Variants in MROH1 observed in about 807,000 individuals in gnomAD.
The protein encoded by MROH1 is maestro heat-like repeat-containing protein family member 1.
In MROH1, 117 loss-of-function variants were observed where a neutral mutation model predicts 116.5. The observed-to-expected ratio is 1.00, with a 90% CI of 0.86 to 1.17. The LOEUF (loss-of-function observed/expected upper bound fraction) is 1.17, where lower values mean the gene tolerates loss of function less well. MROH1 is among the 50% of genes most tolerant of loss of function. The probability of loss-of-function intolerance (pLI) is 0.00; values close to 1 mark genes in which losing one functional copy is unlikely to be tolerated. For missense variants in MROH1, 1,873 were observed against 1,338.5 expected (o/e 1.40, Z -6.23); for synonymous variants, 921 against 583.9 (o/e 1.58, Z -8.32).
Position 144,223,248 on chromosome 8 carries a change from T to G in MROH1, c.1338+18T>G. On this transcript the variant is annotated intron_variant, in intron 14 of 43. Transcript: ENST00000326134. ...AGCAGGAGGTAAGGGGCTGCCACCT[T>G]GCCTGCCTCCTAGGCCCACGCTGCC... is the stretch of plus-strand genomic sequence containing the variant. 6.3e-7 allele frequency: 1 copy of G among 1,584,534 alleles called. No individual in the cohort carries two copies. Among genetic ancestry groups the G allele is most frequent in the African/African-American group, 1.3e-5 (1 of 74,422 alleles).
chr8:144,180,481 GGCGTGGCCAAGCAGGACACGGTGC>G lies in MROH1; in HGVS notation c.529_552del (p.Lys177_Ala184del). On this transcript the variant is annotated inframe_deletion, in exon 7 of 44. Transcript: ENST00000326134. This position sits in a 1 kb window ranked among gnomAD's most constrained non-coding sequence, Gnocchi z 7.4. Reference sequence around the variant, plus strand: ...CCTGAGCTCCCTGCTGCCCGTGCTGGGCGTGGCCAAGCAGGACACGGTGCGCGTGGCCTTCTGCTCCGGTAAGAG... The same window carrying G: ...CCTGAGCTCCCTGCTGCCCGTGCTGGGCGTGGCCTTCTGCTCCGGTAAGAG... The G allele has an allele frequency of 1.2e-6, 2 of 1,612,444 alleles. No individual in the cohort carries two copies. The highest frequency in any genetic ancestry group is 8.5e-7 in the Non-Finnish European group (1 of 1,179,818).
intron 39 of MROH1, 114 bp downstream of exon 39, chr8:144,260,488 C>G: frequency 1.4e-6 from 1 of 698,664 alleles, no homozygotes; most frequent in Non-Finnish European, 2.6e-6. Flanking sequence ...GCTAGGTGAC[C>G]GTGGAGAGCG....
chr8:144,241,352 G>C (rs1234361273), intron 21 of MROH1, 43 bp from the exon 22 acceptor site: 2 of 740,734 alleles, frequency 2.7e-6, no homozygotes, highest in Non-Finnish European at 5.0e-6. Flanking sequence ...ATGTGTGGCA[G>C]TGCGTGCTCT....
chr8:144,167,124 A>G (rs1821023846), intron 3 of MROH1, among the ~76,000 whole-genome samples: 1 of 152,148 alleles, frequency 6.6e-6, no homozygotes. Context: ...GTGCTGCTGG[A>G]GCAAAAGAGA....
At chr8:144,222,178 G>A (rs1564511787) in intron 13 of MROH1, among the ~76,000 whole-genome samples, 1 of 152,204 alleles carries the variant, frequency 6.6e-6, no homozygotes, top group Non-Finnish European at 1.5e-5. Flanking sequence ...CAGACGGAGG[G>A]ATGGGTGTAT....
intron 36 of MROH1, 21 bp downstream of exon 36, chr8:144,258,935 G>C (rs1232667370): frequency 2.8e-6 from 2 of 720,496 alleles, no homozygotes; most frequent in Admixed American, 3.9e-5. Context: ...CCAGCCCACT[G>C]CAGCTCCAGC....
At chr8:144,148,485 C>T (rs1381320879) in intron 1 of MROH1, among the ~76,000 whole-genome samples, 1 of 152,144 alleles carries the variant, frequency 6.6e-6, no homozygotes, top group African/African-American at 2.4e-5. Context: ...CGGTGGTCCC[C>T]GGCCCTTCTC....
intron 32 of MROH1, among the ~76,000 whole-genome samples, chr8:144,249,720 C>A (rs1842525786): frequency 6.6e-6 from 1 of 152,208 alleles, no homozygotes; most frequent in African/African-American, 2.4e-5. Flanking sequence ...CAAGTCCCAT[C>A]CTTCCGTCTC....
chr8:144,165,967 C>T (rs1418188538), intron 3 of MROH1, among the ~76,000 whole-genome samples: 1 of 151,992 alleles, frequency 6.6e-6, no homozygotes, highest in South Asian at 2.1e-4. Context: ...CAATCTCTGC[C>T]TCTGAGGTTC....
chr8:144,214,899 C>G (rs142472370), intron 12 of MROH1, among the ~76,000 whole-genome samples: 34 of 152,362 alleles, frequency 2.2e-4, no homozygotes, highest in African/African-American at 7.7e-4. Flanking sequence ...CCCAGTCCCA[C>G]AGCTGAAGCA....
intron 29 of MROH1, among the ~76,000 whole-genome samples, chr8:144,246,042 T>TCCTCCCCTCCCTCCCTC (rs1841850164): frequency 1.2e-5 from 1 of 83,680 alleles, no homozygotes. Flanking sequence ...CTCCCTCCCT[T>TCCTCCCCTCCCTCCCTC]CCTCCCCTCC....
intron 10 of MROH1, 41 bp downstream of exon 10, chr8:144,192,442 A>T (rs926344600): frequency 4.6e-6 from 7 of 1,511,744 alleles, no homozygotes; most frequent in Non-Finnish European, 8.9e-7. Flanking sequence ...GGTTCTGCAC[A>T]CCCTTCCGTG....
At position 144,220,629 on chromosome 8, in the gene MROH1, A is replaced by G. The variant is rs1483999963; in HGVS notation, c.1171A>G (p.Ile391Val). 2 of 1,579,914 alleles carry G rather than the reference A, an allele frequency of 1.3e-6. No individual in the cohort carries two copies. The highest frequency in any genetic ancestry group is 1.7e-6 in the Non-Finnish European group (2 of 1,163,030). ...AAQMEDKKPF[I>V]LSSMRLPLLD... ...TCAGATGGAAGATAAAAAGCCCTTT[A>G]TCCTGTCTTCCATGAGGCTTCCTCT... Residue 391 changes from isoleucine (I) to valine (V), a missense_variant, in exon 13 of 44, where the codon ATC (isoleucine) becomes GTC (valine). Transcript: ENST00000326134.
In MROH1 at chr8:144,168,329, T is replaced by C. The variant is rs765288355; in HGVS notation, c.57T>C (p.Asp19=). 1 of 1,609,650 alleles carries C rather than the reference T, an allele frequency of 6.2e-7. No homozygotes were observed. The highest frequency in any genetic ancestry group is 1.7e-5 in the Admixed American group (1 of 59,928). ...CCACCCTGCTGGACGCCATCACCGA[T>C]AAGGACCCCCTGGTGCAGGAGCAGG... is the stretch of plus-strand genomic sequence containing the variant. ...LASTLLDAIT[D]KDPLVQEQVC... Residue 19 remains aspartate, a synonymous_variant, in exon 4 of 44, where the codon GAT becomes GAC. Coordinates refer to ENST00000326134, the MANE Select transcript of MROH1 (RefSeq NM_032450.3).
chr8:144,157,958 T>TG (rs1818563990), intron 1 of MROH1, among the ~76,000 whole-genome samples: 4 of 150,734 alleles, frequency 2.7e-5, no homozygotes, highest in Non-Finnish European at 3.0e-5. Context: ...ATTACAGGCA[T>TG]GAGCCACTGC....
intron 1 of MROH1, among the ~76,000 whole-genome samples, chr8:144,154,507 A>G (rs980403669): frequency 2.6e-5 from 4 of 152,124 alleles, no homozygotes; most frequent in Admixed American, 2.0e-4. Context: ...TTTTACTGCA[A>G]ACTGCTCATG....
At chr8:144,239,825 G>A in intron 18 of MROH1, 70 bp downstream of exon 18, 2 of 705,846 alleles carry the variant, frequency 2.8e-6, no homozygotes, top group Non-Finnish European at 5.3e-6. Context: ...GAGGGTGCTA[G>A]CTCTGACCCC....
intron 4 of MROH1, among the ~76,000 whole-genome samples, chr8:144,178,182 G>A (rs1253685969): frequency 2.9e-5 from 1 of 33,950 alleles, no homozygotes; most frequent in Non-Finnish European, 2.7e-4. Flanking sequence ...GGCCCAGGCT[G>A]GAGTGCAGTG....
intron 14 of MROH1, among the ~76,000 whole-genome samples, chr8:144,223,511 G>A (rs974573704): frequency 6.6e-6 from 1 of 152,140 alleles, no homozygotes; most frequent in African/African-American, 2.4e-5. Flanking sequence ...AAGACTACAG[G>A]CACATGCGTG....
Sources: allele counts gnomAD v4.1 joint callset (sites outside exome capture counted in the v4.1 genomes callset), GRCh38; gene constraint gnomAD v4.1.1; non-coding constraint Gnocchi (gnomAD v3.1); transcripts MANE v1.5; gene names NCBI Gene and HGNC (gene_info 2026-07-23, HGNC 2026-07-21).